Variants in YTHDF1 observed in about 807,000 individuals in gnomAD.
The protein encoded by YTHDF1 is YTH domain-containing family protein 1.
A neutral mutation model predicts 49.1 loss-of-function variants in YTHDF1; 16 were observed. The ratio of observed to expected loss-of-function variants is 0.33; its 90% CI spans 0.22 to 0.49. The LOEUF is 0.49. Among genes scored for constraint, YTHDF1 ranks in the 20% least tolerant of loss-of-function variants. The pLI, the probability that YTHDF1 is intolerant of heterozygous loss-of-function variation, is 0.99. For synonymous variants in YTHDF1, 313 were observed against 290.1 expected (o/e 1.08, Z -0.80); for missense variants, 621 against 744.3 (o/e 0.83, Z 1.93).
At chr20:63,209,444 AT>A (rs912452821) in intron 3 of YTHDF1, among the ~76,000 whole-genome samples, 4 of 152,020 alleles carry the variant, frequency 2.6e-5, no homozygotes, top group South Asian at 4.1e-4. Flanking sequence ...TTTCTATTAA[AT>A]TTTTTTTAAC....
chr20:63,215,896 T>C lies in YTHDF1; in HGVS notation c.-4A>G. On this transcript the variant is annotated 5_prime_UTR_variant, in exon 1 of 5. Transcript: ENST00000370339. ...TGTCCACGCTGGTGGCCGACATGCT[T>C]CATGAACAACTAGACGCGGGGCCGG... The C allele has an allele frequency of 7.0e-7, 1 of 1,436,300 alleles. No individual in the cohort carries two copies. The highest frequency in any genetic ancestry group is 9.1e-7 in the Non-Finnish European group (1 of 1,093,050). The allele number at this position is 1,436,300 out of a possible 1,614,324, so 89.0% of individuals were successfully genotyped here.
intron 3 of YTHDF1, among the ~76,000 whole-genome samples, chr20:63,205,516 CT>C (rs11452326): frequency 1.6e-3 from 244 of 148,786 alleles, no homozygotes; most frequent in African/African-American, 4.4e-3. Context: ...GAACCCCCCC[CT>C]TTTTTTTTTG....
At chr20:63,215,659 C>G in intron 1 of YTHDF1, 58 bp from the exon 2 acceptor site, 1 of 1,564,060 alleles carries the variant, frequency 6.4e-7, no homozygotes, top group Non-Finnish European at 8.6e-7. Flanking sequence ...GAGGGAAACA[C>G]AAAGTTATTC....
intron 3 of YTHDF1, among the ~76,000 whole-genome samples, chr20:63,207,476 C>A (rs2066552835): frequency 6.7e-6 from 1 of 149,700 alleles, no homozygotes. Context: ...CCCCCCCACC[C>A]CCCTCCAAAA....
chr20:63,215,560 C>G lies in YTHDF1; in HGVS notation c.52+17G>C, dbSNP rs766226301. 4.3e-6 allele frequency: 7 copies of G among 1,613,536 alleles called. No homozygotes were observed. The highest frequency in any genetic ancestry group is 5.9e-6 in the Non-Finnish European group (7 of 1,179,832). On this transcript the variant is annotated intron_variant, in intron 2 of 4. Transcript: ENST00000370339. ...CTCCACTCCAGCCCGCGCCGGCCGTCCCGGGACTCCGCTCACCTTTATTAT... is the reference window on the plus strand; with the variant it reads ...CTCCACTCCAGCCCGCGCCGGCCGTGCCGGGACTCCGCTCACCTTTATTAT...
Position 63,204,557 on chromosome 20 carries a change from A to G in YTHDF1, c.133-750T>C, listed in dbSNP as rs192714069. Among the ~76,000 whole-genome samples the G allele has an allele frequency of 1.3e-4, 20 of 152,314 alleles. No individual in the cohort carries two copies. In the East Asian group the frequency reaches 3.9e-3, roughly 29 times the overall value. The stretch of plus-strand genomic sequence containing the variant: ...CTGGCTCCAGCTCCTCAGCCAAGAG[A>G]AAGCATCCGAAGTGTGGACTCTGTG... On this transcript the variant is annotated intron_variant, in intron 3 of 4. Coordinates refer to ENST00000370339, the MANE Select transcript of YTHDF1 (RefSeq NM_017798.4).
At chr20:63,200,454 T>A (rs1225723609) in intron 4 of YTHDF1, among the ~76,000 whole-genome samples, 2 of 152,074 alleles carry the variant, frequency 1.3e-5, no homozygotes, top group African/African-American at 2.4e-5. Context: ...CACTGACCCA[T>A]ATGGGCCCAG....
rs77862286 is a variant in YTHDF1, at chr20:63,197,814, C to A, written c.1654-1080G>T. ...ATCTGGCCATCTATCAAGATGCAAA[C>A]TAATAAAGAAAACCAGCGGGCAGGA... is the stretch of plus-strand genomic sequence containing the variant. On this transcript the variant is annotated intron_variant, in intron 4 of 4. Transcript: ENST00000370339. 4.6e-5 allele frequency among the ~76,000 whole-genome samples: 7 copies of A among 152,264 alleles called. No homozygotes were observed. In the East Asian group the frequency reaches 1.4e-3, roughly 29 times the overall value.
Position 63,196,601 on chromosome 20 carries a change from C to T in YTHDF1, c.*107G>A, listed in dbSNP as rs945221841. The T allele has an allele frequency of 7.6e-6, 10 of 1,323,442 alleles. No individual in the cohort carries two copies. In the African/African-American group the frequency reaches 1.3e-4, roughly 18 times the overall value. 82.0% of individuals were successfully genotyped at this position (1,323,442 alleles called of 1,614,324 possible). A position where few individuals can be genotyped will look rare whatever the true frequency, so the allele number is the denominator to read the frequency against. On this transcript the variant is annotated 3_prime_UTR_variant, in exon 5 of 5. Coordinates refer to ENST00000370339, the MANE Select transcript of YTHDF1 (RefSeq NM_017798.4). ...ATCAACGACAAGAAAGGCAAAGATGCAACACTCAACCCCCGCACGGGACGA... is the reference window on the plus strand; with the variant it reads ...ATCAACGACAAGAAAGGCAAAGATGTAACACTCAACCCCCGCACGGGACGA...
chr20:63,207,050 C>A (rs1323795190), intron 3 of YTHDF1, among the ~76,000 whole-genome samples: 1 of 152,254 alleles, frequency 6.6e-6, no homozygotes, highest in East Asian at 1.9e-4. Flanking sequence ...CACAGCCAGG[C>A]ACAGGTTCAG....
intron 4 of YTHDF1, 151 bp from the exon 5 acceptor site, chr20:63,196,885 G>A: frequency 1.2e-6 from 1 of 814,496 alleles, no homozygotes; most frequent in South Asian, 1.7e-5. Flanking sequence ...ACACAACTCT[G>A]AGCTGCACTG....
Position 63,213,850 on chromosome 20 carries a change from C to G in YTHDF1, c.132+14G>C, listed in dbSNP as rs374265248. 6.3e-7 allele frequency: 1 copy of G among 1,597,642 alleles called. No homozygotes were observed. Among genetic ancestry groups the G allele is most frequent in the Admixed American group, 1.8e-5 (1 of 55,370 alleles). ...CAACTTAAAAACAAATATATGCTAA[C>G]AAAATAAACTCACCTGATTTGACTG... On this transcript the variant is annotated intron_variant, in intron 3 of 4. Coordinates refer to ENST00000370339, the MANE Select transcript of YTHDF1 (RefSeq NM_017798.4).
In YTHDF1 at chr20:63,214,346, G is replaced by A. The variant is rs138355254; in HGVS notation, c.53-403C>T. ...GGAGAACGGAGGGAAGAAAACTTAG[G>A]AGGGAAGGGGCTGCAACTGAAGGAC... On this transcript the variant is annotated intron_variant, in intron 2 of 4. Coordinates refer to ENST00000370339, the MANE Select transcript of YTHDF1 (RefSeq NM_017798.4). 1.3e-3 allele frequency among the ~76,000 whole-genome samples: 203 copies of A among 152,324 alleles called. 1 individual carries two copies. The highest frequency in any genetic ancestry group is 4.6e-3 in the African/African-American group (193 of 41,560).
intron 3 of YTHDF1, among the ~76,000 whole-genome samples, chr20:63,206,607 T>C (rs1433924806): frequency 6.6e-6 from 1 of 152,246 alleles, no homozygotes; most frequent in Non-Finnish European, 1.5e-5. Context: ...TAATCAGCTC[T>C]GCTGGCAGCC....
At chr20:63,202,200 CG>C in intron 4 of YTHDF1, 86 bp downstream of exon 4, 1 of 1,499,902 alleles carries the variant, frequency 6.7e-7, no homozygotes, top group Non-Finnish European at 8.9e-7. Flanking sequence ...GCGGACCTGC[CG>C]CATCTGCTCA....
chr20:63,197,526 G>A (rs567287974), intron 4 of YTHDF1, among the ~76,000 whole-genome samples: 3 of 152,140 alleles, frequency 2.0e-5, no homozygotes, highest in Non-Finnish European at 4.4e-5. Context: ...CTCCTTACAA[G>A]GCAGCATACA....
chr20:63,207,207 GCCTGTAATC>G (rs1452966509), intron 3 of YTHDF1, among the ~76,000 whole-genome samples: 2 of 152,216 alleles, frequency 1.3e-5, no homozygotes, highest in African/African-American at 4.8e-5. Context: ...GGTGACTCAT[GCCTGTAATC>G]CCAGCACTTT....
intron 3 of YTHDF1, among the ~76,000 whole-genome samples, chr20:63,212,953 A>C (rs2066582504): frequency 6.6e-6 from 1 of 152,194 alleles, no homozygotes; most frequent in African/African-American, 2.4e-5. Flanking sequence ...TACCTAAGAA[A>C]ACAGGGCAGC....
intron 3 of YTHDF1, among the ~76,000 whole-genome samples, chr20:63,211,745 G>A (rs867458911): frequency 6.6e-6 from 1 of 152,104 alleles, no homozygotes; most frequent in Admixed American, 6.5e-5. Flanking sequence ...CTTGAGCCCA[G>A]AAGTTCAAGA....
Sources: allele counts gnomAD v4.1 joint callset (sites outside exome capture counted in the v4.1 genomes callset), GRCh38; gene constraint gnomAD v4.1.1; transcripts MANE v1.5; gene names NCBI Gene and HGNC (gene_info 2026-07-23, HGNC 2026-07-21).